SRSF7: variants seen among roughly 807,000 people sequenced by gnomAD.
The protein encoded by SRSF7 is serine/arginine-rich splicing factor 7.
Under a neutral mutation model 42.2 loss-of-function variants are expected in SRSF7, and 15 were observed. That is an observed-to-expected ratio of 0.36 (90% CI 0.24 to 0.55). The LOEUF (loss-of-function observed/expected upper bound fraction) is 0.55. SRSF7 is among the 20% of genes least tolerant of loss of function. SRSF7 has a pLI of 0.88. For missense variants in SRSF7, 181 were observed against 305.9 expected (o/e 0.59, Z 3.04); for synonymous variants, 138 against 107.9 (o/e 1.28, Z -1.73).
chr2:38,745,413 G>C (rs1465116243), intron 7 of SRSF7, among the ~76,000 whole-genome samples: 1 of 146,208 alleles, frequency 6.8e-6, no homozygotes, highest in Non-Finnish European at 1.6e-5. Context: ...AGCACTTTGG[G>C]AGAGGCCGAG....
At chr2:38,750,360 C>T (rs1431662351) in intron 1 of SRSF7, among the ~76,000 whole-genome samples, 166 bp from the exon 2 acceptor site, 1 of 152,060 alleles carries the variant, frequency 6.6e-6, no homozygotes, top group South Asian at 2.1e-4. Flanking sequence ...GTCCGCAAAT[C>T]CCTGAGAAAC....
In SRSF7 at chr2:38,751,328, C is replaced by A; in HGVS notation, c.-72G>T. ...CTCGAGTGACGCAAAAGCTGACACA[C>A]ACCTTCACCCGCCAAGAGTCCCGGC... is the stretch of plus-strand genomic sequence containing the variant. On this transcript the variant is annotated 5_prime_UTR_variant, in exon 1 of 8. Transcript: ENST00000313117. 8.7e-6 allele frequency: 14 copies of A among 1,603,116 alleles called. No individual in the cohort carries two copies. The highest frequency in any genetic ancestry group is 6.7e-5 in the African/African-American group (5 of 74,732).
Position 38,743,773 on chromosome 2 carries a change from A to T in SRSF7, c.*1360T>A. The T allele has an allele frequency of 2.0e-5, 3 of 152,654 alleles. No individual in the cohort carries two copies. The highest frequency in any genetic ancestry group is 1.3e-4 in the Admixed American group (2 of 15,280). 9.5% of individuals were successfully genotyped at this position (152,654 alleles called of 1,614,324 possible). ...CCAAAAACAATCCAAATAACTTCCA[A>T]CATACTAGCGGTCAAACTACCGAAT... On this transcript the variant is annotated 3_prime_UTR_variant, in exon 8 of 8. Coordinates refer to ENST00000313117, the MANE Select transcript of SRSF7 (RefSeq NM_001031684.3).
At chr2:38,746,401 TG>T (rs1237771309) in intron 6 of SRSF7, among the ~76,000 whole-genome samples, 1 of 152,250 alleles carries the variant, frequency 6.6e-6, no homozygotes, top group Non-Finnish European at 1.5e-5. Context: ...TTTTACATTC[TG>T]CTTTAAGCAC....
chr2:38,748,790 G>A, intron 3 of SRSF7, 137 bp from the exon 4 acceptor site: 1 of 1,204,328 alleles, frequency 8.3e-7, no homozygotes, highest in Non-Finnish European at 1.1e-6. Flanking sequence ...GGGCCTATTA[G>A]TTGTTGAGTA....
At position 38,745,167 on chromosome 2, in the gene SRSF7, G is replaced by A; in HGVS notation, c.683C>T (p.Pro228Leu). ...TCTTTCAGGACTTGCACTTCTGCGA[G>A]GACTTCCTGATGGGGAACGACTAAA... ...PKRSRSPSGS[P>L]RRSASPERMD Residue 228 changes from proline (P) to leucine (L), a missense_variant, in exon 8 of 8, where the codon CCT becomes CTT. Pro to Leu is a moderately conservative substitution (Grantham distance 98). Around this residue, in one of 2 missense-constraint regions of SRSF7, gnomAD observed 136 missense variants for 147.8 expected, o/e 0.92. Transcript: ENST00000313117. The A allele has an allele frequency of 1.9e-6, 3 of 1,614,002 alleles. No individual in the cohort carries two copies. Among genetic ancestry groups the A allele is most frequent in the South Asian group, 2.2e-5 (2 of 91,076 alleles).
At chr2:38,748,975 C>T in intron 3 of SRSF7, 3 of 1,290,370 alleles carry the variant, frequency 2.3e-6, no homozygotes, top group South Asian at 2.9e-5. Flanking sequence ...TATAGCCGAT[C>T]GCTGCATCTA....
Position 38,746,695 on chromosome 2 carries a change from T to A in SRSF7, c.625A>T (p.Ser209Cys). The A allele has an allele frequency of 1.2e-6, 2 of 1,613,602 alleles. No individual in the cohort carries two copies. Among genetic ancestry groups the A allele is most frequent in the Non-Finnish European group, 1.7e-6 (2 of 1,179,896 alleles). ...RSRSISRPRS[S>C]RSKSRSPSPK... ...AGCATAATCAAATTTTTACCCTACC[T>A]GCTTCTTGGTCGTGAAATAGACCTG... The change falls in exon 6 of 8, where the codon AGC becomes TGC. Residue 209 changes from serine to cysteine, a missense_variant and splice_region_variant. Ser to Cys is a moderately radical substitution (Grantham distance 112, BLOSUM62 -1). Coordinates refer to ENST00000313117, the MANE Select transcript of SRSF7 (RefSeq NM_001031684.3).
intron 3 of SRSF7, chr2:38,748,913 G>A: frequency 7.4e-7 from 1 of 1,358,212 alleles, no homozygotes; most frequent in Non-Finnish European, 9.5e-7. Context: ...AAGTTTGCAG[G>A]TCGACCCTCT....
intron 7 of SRSF7, among the ~76,000 whole-genome samples, chr2:38,745,586 C>T (rs976485760): frequency 1.3e-5 from 2 of 151,684 alleles, no homozygotes; most frequent in East Asian, 1.9e-4. Flanking sequence ...ACCCGGGAAT[C>T]GGAGGCTGCA....
chr2:38,745,231 G>C, intron 7 of SRSF7, 44 bp from the exon 8 acceptor site: 1 of 1,601,558 alleles, frequency 6.2e-7, no homozygotes, highest in South Asian at 1.1e-5. Flanking sequence ...AGTGTCAATT[G>C]AAACTCTCAT....
intron 1 of SRSF7, chr2:38,750,968 G>A (rs1046732750): frequency 2.4e-6 from 1 of 420,488 alleles, no homozygotes; most frequent in Non-Finnish European, 4.4e-6. Context: ...AAGGCAACGC[G>A]AAAACCGTCA....
intron 3 of SRSF7, chr2:38,749,090 G>A: frequency 1.5e-6 from 2 of 1,314,714 alleles, no homozygotes; most frequent in South Asian, 2.5e-5. Context: ...GGTCAATCTG[G>A]TGTTCCTCTT....
intron 2 of SRSF7, 136 bp downstream of exon 2, chr2:38,749,878 G>A (rs981082483): frequency 2.2e-5 from 27 of 1,248,606 alleles, no homozygotes; most frequent in Non-Finnish European, 2.6e-5. Context: ...TTTAACCTTC[G>A]TGTGCCTTTA....
At chr2:38,748,178 T>C in intron 4 of SRSF7, 21 bp from the exon 5 acceptor site, 2 of 1,553,042 alleles carry the variant, frequency 1.3e-6, no homozygotes, top group Non-Finnish European at 8.8e-7. Flanking sequence ...GAACTTTAAG[T>C]CCATCTCCAC....
chr2:38,750,202 A>C lies in SRSF7; in HGVS notation c.29-8T>G, dbSNP rs774238686. The C allele has an allele frequency of 7.6e-6, 12 of 1,585,956 alleles. No individual in the cohort carries two copies. In the South Asian group the frequency reaches 1.4e-4, roughly 18 times the overall value. Reference sequence around the variant, plus strand: ...CAACATACACCTTGGTTTCTGTTTAAAAACGCAAATAGAAGAATGCACGTT... The same window carrying C: ...CAACATACACCTTGGTTTCTGTTTACAAACGCAAATAGAAGAATGCACGTT... On this transcript the variant is annotated splice_polypyrimidine_tract_variant and splice_region_variant and intron_variant, in intron 1 of 7. Coordinates refer to ENST00000313117, the MANE Select transcript of SRSF7 (RefSeq NM_001031684.3).
At chr2:38,750,847 G>T in intron 1 of SRSF7, 1 of 277,978 alleles carries the variant, frequency 3.6e-6, no homozygotes, top group South Asian at 3.9e-5. Flanking sequence ...TCTGTCCGCT[G>T]AAGTGGCGGG....
Position 38,749,258 on chromosome 2 carries a change from C to G in SRSF7, c.386+271G>C, listed in dbSNP as rs953452939. On this transcript the variant is annotated intron_variant, in intron 3 of 7. Coordinates refer to ENST00000313117, the MANE Select transcript of SRSF7 (RefSeq NM_001031684.3). The stretch of plus-strand genomic sequence containing the variant: ...TGATCACCTCAAGGTCTAGGAGGAT[C>G]TTAATTGTCGGATTTGCAAGGCGCC... 3 of 1,409,658 alleles carry G rather than the reference C, an allele frequency of 2.1e-6. No homozygotes were observed. The African/African-American group carries it at 4.3e-5, about 20-fold the overall frequency. 87.3% of individuals were successfully genotyped at this position (1,409,658 alleles called of 1,614,324 possible). A position where few individuals can be genotyped will look rare whatever the true frequency, so the allele number is the denominator to read the frequency against.
At chr2:38,749,808 T>C (rs1668008959) in intron 2 of SRSF7, 103 bp from the exon 3 acceptor site, 17 of 1,339,434 alleles carry the variant, frequency 1.3e-5, no homozygotes, top group Non-Finnish European at 1.7e-5. Context: ...CAACCACTCC[T>C]TCCCCCCCAA....
Sources: allele counts gnomAD v4.1 joint callset (sites outside exome capture counted in the v4.1 genomes callset), GRCh38; gene constraint gnomAD v4.1.1; regional missense constraint gnomAD v4.1.1; transcripts MANE v1.5; gene names NCBI Gene and HGNC (gene_info 2026-07-23, HGNC 2026-07-21).